The following DUOX1 variants were observed in gnomAD, a reference collection of about 807,000 sequenced individuals.
DUOX1 encodes the protein NADPH thyroid oxidase 1.
A neutral mutation model predicts 181.8 loss-of-function variants in DUOX1; 134 were observed. The ratio of observed to expected loss-of-function variants is 0.74; its 90% CI spans 0.64 to 0.85. The LOEUF is 0.85. DUOX1 is among the 40% of genes least tolerant of loss of function. The probability of loss-of-function intolerance (pLI) is 0.00; values close to 1 mark genes in which losing one functional copy is unlikely to be tolerated. For synonymous variants in DUOX1, 798 were observed against 832.5 expected, an observed-to-expected ratio of 0.96 and a Z score of 0.71; for missense variants, 1,814 against 2,064.4, an observed-to-expected ratio of 0.88 and a Z score of 2.35.
In DUOX1 at chr15:45,137,959, G is replaced by A. The variant is rs752019311; in HGVS notation, c.1058G>A (p.Arg353Gln). Residue 353 changes from arginine to glutamine, a missense_variant, in exon 10 of 34, where the codon CGG becomes CAG. Coordinates refer to ENST00000389037, the MANE Select transcript of DUOX1 (RefSeq NM_175940.3). ...ASCHFQGVINRNSSVSRALRV... is the reference protein window; with the variant it reads ...ASCHFQGVINQNSSVSRALRV... ...TGCCACTTCCAGGGGGTCATCAATC[G>A]GAACTCAAGTGTCTCCAGAGCTCTC... is the stretch of plus-strand genomic sequence containing the variant. The A allele has an allele frequency of 1.1e-5, 18 of 1,609,708 alleles. No homozygotes were observed. In the African/African-American group the frequency reaches 1.2e-4, roughly 11 times the overall value.
At chr15:45,140,027 G>A in intron 12 of DUOX1, 1 of 1,348,270 alleles carries the variant, frequency 7.4e-7, no homozygotes, top group Non-Finnish European at 1.0e-6. Context: ...TAGAGCCTGA[G>A]GCGGAGGCCC....
At chr15:45,140,605 C>T (rs758900111) in intron 12 of DUOX1, 1 of 304,100 alleles carries the variant, frequency 3.3e-6, no homozygotes, top group Non-Finnish European at 6.1e-6. Context: ...TGATTTTGTC[C>T]CTTCAACTTT....
chr15:45,138,066 GTGTGTGTGTGTA>G (rs1896377836), intron 10 of DUOX1, 52 bp downstream of exon 10: 5 of 1,262,320 alleles, frequency 4.0e-6, no homozygotes, highest in African/African-American at 1.7e-5. Context: ...GCATGCTTAT[GTGTGTGTGTGTA>G]TGTGTGTGTG....
chr15:45,133,990 G>A, intron 3 of DUOX1, 43 bp downstream of exon 3: 1 of 1,605,524 alleles, frequency 6.2e-7, no homozygotes, highest in Admixed American at 1.7e-5. Flanking sequence ...GGGCCAGGGG[G>A]GTACTGAGTG....
At chr15:45,136,676 C>T (rs2141257052) in intron 9 of DUOX1, 51 bp downstream of exon 9, 2 of 1,586,500 alleles carry the variant, frequency 1.3e-6, no homozygotes, top group Admixed American at 3.3e-5. Flanking sequence ...GGGCTGTCAA[C>T]TGAGGAAAAT....
intron 29 of DUOX1, 147 bp downstream of exon 29, chr15:45,161,137 G>A: frequency 8.0e-7 from 1 of 1,243,938 alleles, no homozygotes; most frequent in Non-Finnish European, 1.1e-6. Context: ...GTAGGGGCAA[G>A]GCGCAGTGGC....
At chr15:45,147,799 G>T in intron 19 of DUOX1, 105 bp from the exon 20 acceptor site, 2 of 1,506,838 alleles carry the variant, frequency 1.3e-6, no homozygotes, top group Non-Finnish European at 1.8e-6. Flanking sequence ...GACCCTTGCT[G>T]TGTCCAGAAG....
chr15:45,153,612 C>G, intron 26 of DUOX1, 133 bp downstream of exon 26: 10 of 984,238 alleles, frequency 1.0e-5, no homozygotes, highest in Non-Finnish European at 1.6e-5. Flanking sequence ...CTGTCACCTT[C>G]TAGGTTACAG....
In DUOX1 at chr15:45,135,154, G is replaced by C. The variant is rs150824079; in HGVS notation, c.358G>C (p.Ala120Pro). Residue 120 changes from alanine to proline, a missense_variant, in exon 5 of 34, where the codon GCC (alanine) becomes CCC (proline). Transcript: ENST00000389037. The part of the protein sequence containing the change: ...LVSVETPGCP[A>P]EFLNIRIPPG... ...GAGCGTGGAAACTCCCGGCTGCCCC[G>C]CCGAGTTCCTCAACATTCGCATCCC... 24 of 1,613,756 alleles carry C rather than the reference G, an allele frequency of 1.5e-5. No homozygotes were observed. Among genetic ancestry groups the C allele is most frequent in the Non-Finnish European group, 2.0e-5 (24 of 1,179,910 alleles).
At chr15:45,152,770 C>T in intron 25 of DUOX1, 1 of 579,692 alleles carries the variant, frequency 1.7e-6, no homozygotes, top group Non-Finnish European at 3.1e-6. Flanking sequence ...AATGAGTGTG[C>T]ATAATGTGTC....
intron 15 of DUOX1, among the ~76,000 whole-genome samples, chr15:45,142,946 G>T (rs1452889420): frequency 2.0e-5 from 3 of 152,054 alleles, no homozygotes; most frequent in African/African-American, 7.2e-5. Flanking sequence ...TTAGTCTCTG[G>T]CCAGGAAGGG....
intron 12 of DUOX1, chr15:45,139,940 A>G (rs1896448867): frequency 1.5e-6 from 1 of 688,824 alleles, no homozygotes; most frequent in Non-Finnish European, 2.5e-6. Context: ...GCTTTCTTGC[A>G]CCGATGTTTA....
At chr15:45,152,114 G>A in intron 24 of DUOX1, 62 bp downstream of exon 24, 1 of 1,573,946 alleles carries the variant, frequency 6.4e-7, no homozygotes, top group Non-Finnish European at 8.6e-7. Context: ...TCGCCCTGGG[G>A]GTGGGGCCTG....
chr15:45,161,600 C>G lies in DUOX1; in HGVS notation c.3857-138C>G, dbSNP rs1436075574. Reference sequence around the variant, plus strand: ...AGCCCCAGTGCTGCCTGGGCCCCCACAGGGTGAGCTTCTGATGGGGGAGGC... The same window carrying G: ...AGCCCCAGTGCTGCCTGGGCCCCCAGAGGGTGAGCTTCTGATGGGGGAGGC... On this transcript the variant is annotated intron_variant, in intron 29 of 33. Transcript: ENST00000389037. 3 of 762,070 alleles carry G rather than the reference C, an allele frequency of 3.9e-6. No individual in the cohort carries two copies. In the African/African-American group the frequency reaches 5.2e-5, roughly 13 times the overall value. The allele number at this position is 762,070 out of a possible 1,614,324, so 47.2% of individuals were successfully genotyped here.
At chr15:45,140,326 T>C (rs1259360686) in intron 12 of DUOX1, 2 of 261,350 alleles carry the variant, frequency 7.7e-6, no homozygotes, top group East Asian at 1.8e-4. Context: ...ATAAAATCAA[T>C]ATATAGATAG....
In DUOX1 at chr15:45,165,047, CAT is replaced by C. The variant is rs1897194043; in HGVS notation, c.*147_*148del. 1.2e-6 allele frequency: 1 copy of C among 867,234 alleles called. No individual in the cohort carries two copies. Among genetic ancestry groups the C allele is most frequent in the African/African-American group, 1.7e-5 (1 of 58,874 alleles). 53.7% of individuals were successfully genotyped at this position (867,234 alleles called of 1,614,324 possible). On this transcript the variant is annotated 3_prime_UTR_variant, in exon 34 of 34. Coordinates refer to ENST00000389037, the MANE Select transcript of DUOX1 (RefSeq NM_175940.3). ...GTTCCAGGTGGCCATAGTCAGTCAC[CAT>C]GTGTGGGCTCAGGGACCCCCAGGAC...
intron 2 of DUOX1, among the ~76,000 whole-genome samples, chr15:45,133,543 G>A (rs1034324692): frequency 9.2e-5 from 14 of 152,100 alleles, no homozygotes; most frequent in African/African-American, 3.1e-4. Flanking sequence ...AAAGTCCCCT[G>A]CATCCTATTC....
Position 45,161,934 on chromosome 15 carries a change from A to G in DUOX1, c.4053A>G (p.Ser1351=), listed in dbSNP as rs768808255. The change falls in exon 30 of 34, where the codon TCA becomes TCG. Residue 1351 remains serine, a synonymous_variant. Coordinates refer to ENST00000389037, the MANE Select transcript of DUOX1 (RefSeq NM_175940.3). ...PWTTRLREIY[S]APTGDRCARY... ...CCACTCGCCTCAGGGAGATCTACTCAGCCCCGACGGGTGACAGATGTGCCA... is the reference window on the plus strand; with the variant it reads ...CCACTCGCCTCAGGGAGATCTACTCGGCCCCGACGGGTGACAGATGTGCCA... 2 of 1,613,908 alleles carry G rather than the reference A, an allele frequency of 1.2e-6. No individual in the cohort carries two copies. The highest frequency in any genetic ancestry group is 2.2e-5 in the South Asian group (2 of 91,054).
Position 45,155,720 on chromosome 15 carries a change from G to A in DUOX1, c.3575-82G>A, listed in dbSNP as rs889225432. On this transcript the variant is annotated intron_variant, in intron 27 of 33. Coordinates refer to ENST00000389037, the MANE Select transcript of DUOX1 (RefSeq NM_175940.3). ...CTTACTCCAACTTGGGCAGTGGAGT[G>A]GAGAGGGGACCTTGGAAGCTCCAGA... 5.0e-6 allele frequency: 8 copies of A among 1,595,936 alleles called. No homozygotes were observed. The African/African-American group carries it at 6.7e-5, about 13-fold the overall frequency.
Sources: allele counts gnomAD v4.1 joint callset (sites outside exome capture counted in the v4.1 genomes callset), GRCh38; gene constraint gnomAD v4.1.1; transcripts MANE v1.5; gene names NCBI Gene and HGNC (gene_info 2026-07-23, HGNC 2026-07-21).